The following MAP4K3 variants were observed in gnomAD, a reference collection of about 807,000 sequenced individuals.
The protein encoded by MAP4K3 is MAPK/ERK kinase kinase kinase 3.
Under a neutral mutation model 143.5 loss-of-function variants are expected in MAP4K3, and 94 were observed. That is an observed-to-expected ratio of 0.65 (90% CI 0.55 to 0.78). MAP4K3 has a LOEUF of 0.78. Among genes scored for constraint, MAP4K3 ranks in the 30% least tolerant of loss-of-function variants. MAP4K3 has a pLI of 0.00. For synonymous variants in MAP4K3, 416 were observed against 347.2 expected (o/e 1.20, Z -2.20); for missense variants, 1,077 against 1,068.1 (o/e 1.01, Z -0.12).
chr2:39,321,905 C>G (rs1683321543), intron 12 of MAP4K3, among the ~76,000 whole-genome samples: 1 of 152,232 alleles, frequency 6.6e-6, no homozygotes, highest in Non-Finnish European at 1.5e-5. Context: ...CCACTATTGT[C>G]TTGTGACCCT....
intron 20 of MAP4K3, 41 bp downstream of exon 20, chr2:39,288,080 G>A (rs1376548026): frequency 4.4e-6 from 7 of 1,608,700 alleles, no homozygotes; most frequent in Non-Finnish European, 5.9e-6. Context: ...CCCATAGTAT[G>A]AAAACCTGGT....
intron 32 of MAP4K3, among the ~76,000 whole-genome samples, chr2:39,252,681 A>G (rs1680197262): frequency 6.6e-6 from 1 of 152,210 alleles, no homozygotes. Flanking sequence ...CATCTCCCCA[A>G]AATTTGGTAG....
intron 1 of MAP4K3, among the ~76,000 whole-genome samples, chr2:39,384,227 C>T (rs1378130181): frequency 2.0e-5 from 3 of 152,068 alleles, no homozygotes; most frequent in Non-Finnish European, 4.4e-5. Flanking sequence ...CTGATCCTTG[C>T]TTTAAAACAG....
chr2:39,314,200 T>C (rs372074240), intron 13 of MAP4K3, among the ~76,000 whole-genome samples: 84 of 152,242 alleles, frequency 5.5e-4, no homozygotes, highest in African/African-American at 1.8e-3. Context: ...TGGCTAATTT[T>C]GGTAGCTTAT....
chr2:39,291,722 C>T (rs1309561763), intron 18 of MAP4K3, among the ~76,000 whole-genome samples: 1 of 151,902 alleles, frequency 6.6e-6, no homozygotes, highest in African/African-American at 2.4e-5. Context: ...CCCATCTCTA[C>T]CAAAAAATAG....
In MAP4K3 at chr2:39,288,166, T is replaced by C. The variant is rs1465876946; in HGVS notation, c.1429A>G (p.Arg477Gly). 6.2e-7 allele frequency: 1 copy of C among 1,614,068 alleles called. No individual in the cohort carries two copies. Among genetic ancestry groups the C allele is most frequent in the Non-Finnish European group, 8.5e-7 (1 of 1,180,030 alleles). Residue 477 changes from arginine to glycine, a missense_variant, in exon 20 of 34, where the codon AGA becomes GGA. Around this residue, in one of 2 missense-constraint regions of MAP4K3, gnomAD observed 864 missense variants for 801.2 expected, o/e 1.08. Coordinates refer to ENST00000263881, the MANE Select transcript of MAP4K3 (RefSeq NM_003618.4). The stretch of plus-strand genomic sequence containing the variant: ...GGGGGTAATCTGGGAGGTGGTGGTC[T>C]AGGTGGAACTTGGGATGGCTTTGCT... The part of the protein sequence containing the change: ...SPAKPSQVPP[R>G]PPPPRLPPHK...
chr2:39,356,459 A>G, intron 2 of MAP4K3, 120 bp from the exon 3 acceptor site: 1 of 618,344 alleles, frequency 1.6e-6, no homozygotes, highest in Non-Finnish European at 2.8e-6. Flanking sequence ...ATGAGTTATA[A>G]ATAAAACATA....
rs144012930 is a variant in MAP4K3 at position 39,425,017 on chromosome 2, A to G, written c.96+11875T>C. On this transcript the variant is annotated intron_variant, in intron 1 of 33. Transcript: ENST00000263881. Reference sequence around the variant, plus strand: ...AATCCCAAACTGAGAAATTAAAATAAAAATCCAAGACCAAAAAGACTCATG... The same window carrying G: ...AATCCCAAACTGAGAAATTAAAATAGAAATCCAAGACCAAAAAGACTCATG... Among the ~76,000 whole-genome samples, 989 of 152,184 alleles carry G rather than the reference A, an allele frequency of 6.5e-3. 11 individuals are homozygous for G. Among genetic ancestry groups the G allele is most frequent in the African/African-American group, 0.023 (951 of 41,506 alleles).
At chr2:39,260,835 T>C (rs970632659) in intron 28 of MAP4K3, 58 bp from the exon 29 acceptor site, 2 of 1,207,066 alleles carry the variant, frequency 1.7e-6, no homozygotes, top group East Asian at 2.4e-5. Context: ...AATAATTCTA[T>C]GAGAATACTA....
At chr2:39,335,347 C>A (rs1664909006) in intron 6 of MAP4K3, among the ~76,000 whole-genome samples, 1 of 152,090 alleles carries the variant, frequency 6.6e-6, no homozygotes, top group Admixed American at 6.5e-5. Flanking sequence ...TTACAAAAGA[C>A]CACATGATAT....
intron 15 of MAP4K3, among the ~76,000 whole-genome samples, chr2:39,300,548 T>C (rs1682467006): frequency 1.3e-5 from 2 of 152,238 alleles, no homozygotes; most frequent in South Asian, 4.1e-4. Context: ...TAAAGCTGCC[T>C]TTTGTCCTCT....
intron 22 of MAP4K3, 119 bp downstream of exon 22, chr2:39,282,394 T>C: frequency 1.2e-6 from 1 of 805,270 alleles, no homozygotes; most frequent in East Asian, 2.7e-5. Context: ...TTAGCAATCT[T>C]ATAGATTTTT....
chr2:39,356,365 ATATT>A, intron 2 of MAP4K3, 26 bp from the exon 3 acceptor site: 1 of 1,305,606 alleles, frequency 7.7e-7, no homozygotes, highest in South Asian at 1.3e-5. Flanking sequence ...AGCATGTTGA[ATATT>A]TAGAGGTAAG....
rs748814466 is a variant in MAP4K3 at position 39,315,307 on chromosome 2, T to C, written c.997+3A>G. The C allele has an allele frequency of 1.8e-5, 29 of 1,571,872 alleles. No individual in the cohort carries two copies. The highest frequency in any genetic ancestry group is 2.5e-5 in the Non-Finnish European group (28 of 1,142,642). ...TCATAAACTGTGTATAGTATATACTTACAGGTTATCTCTGAGCGTGTTTTT... is the reference window on the plus strand; with the variant it reads ...TCATAAACTGTGTATAGTATATACTCACAGGTTATCTCTGAGCGTGTTTTT... On this transcript the variant is annotated splice_donor_region_variant and intron_variant, in intron 13 of 33. Coordinates refer to ENST00000263881, the MANE Select transcript of MAP4K3 (RefSeq NM_003618.4).
intron 1 of MAP4K3, among the ~76,000 whole-genome samples, chr2:39,426,131 C>G (rs890740631): frequency 3.3e-5 from 5 of 152,172 alleles, no homozygotes; most frequent in African/African-American, 4.8e-5. Flanking sequence ...TAATCAACAT[C>G]ATGTTCTTCC....
chr2:39,322,458 A>T (rs1026078148), intron 12 of MAP4K3, among the ~76,000 whole-genome samples: 1 of 152,074 alleles, frequency 6.6e-6, no homozygotes, highest in Non-Finnish European at 1.5e-5. Flanking sequence ...CTGAATAAAA[A>T]TCAGAATTAG....
intron 1 of MAP4K3, among the ~76,000 whole-genome samples, chr2:39,429,597 G>A (rs1216407531): frequency 6.6e-6 from 1 of 152,188 alleles, no homozygotes; most frequent in Non-Finnish European, 1.5e-5. Context: ...GGGAAGGTGG[G>A]TGTTGGGTAC....
intron 15 of MAP4K3, among the ~76,000 whole-genome samples, chr2:39,302,625 C>T (rs1229713136): frequency 1.3e-5 from 2 of 152,082 alleles, no homozygotes; most frequent in Non-Finnish European, 2.9e-5. Flanking sequence ...CTTGGAAAGG[C>T]GCTCAAACTA....
At chr2:39,380,345 T>C (rs1666327021) in intron 1 of MAP4K3, among the ~76,000 whole-genome samples, 1 of 152,162 alleles carries the variant, frequency 6.6e-6, no homozygotes, top group Non-Finnish European at 1.5e-5. Flanking sequence ...GGAATCTTGG[T>C]CTTCTGCCTA....
Sources: allele counts gnomAD v4.1 joint callset (sites outside exome capture counted in the v4.1 genomes callset), GRCh38; gene constraint gnomAD v4.1.1; regional missense constraint gnomAD v4.1.1; transcripts MANE v1.5; gene names NCBI Gene and HGNC (gene_info 2026-07-23, HGNC 2026-07-21).